ATP2C1: variants seen among roughly 807,000 people sequenced by gnomAD.
ATP2C1 encodes the protein ATPase secretory pathway Ca2+ transporting 1.
A neutral mutation model predicts 120.5 loss-of-function variants in ATP2C1; 31 were observed. That is an observed-to-expected ratio of 0.26 (90% CI 0.19 to 0.35). The LOEUF (loss-of-function observed/expected upper bound fraction) is 0.35, where lower values mean the gene tolerates loss of function less well. Ranked by LOEUF, ATP2C1 falls within the 10% of genes least tolerant of loss-of-function variation. The pLI is 1.00. For synonymous variants in ATP2C1, 351 were observed against 358.7 expected (o/e 0.98, Z 0.24); for missense variants, 731 against 1,107.5 (o/e 0.66, Z 4.83).
intron 2 of ATP2C1, among the ~76,000 whole-genome samples, chr3:130,904,436 T>C (rs1054089294): frequency 2.0e-5 from 3 of 152,002 alleles, no homozygotes; most frequent in African/African-American, 7.2e-5. Flanking sequence ...TATGGGGTTG[T>C]CAGATCTTCA....
chr3:130,949,814 A>T (rs2060295261), intron 8 of ATP2C1, among the ~76,000 whole-genome samples: 1 of 152,162 alleles, frequency 6.6e-6, no homozygotes. Context: ...TCATTTGCAT[A>T]AACAGTGAGG....
At chr3:130,980,473 G>T in intron 19 of ATP2C1, 109 bp from the exon 20 acceptor site, 1 of 758,172 alleles carries the variant, frequency 1.3e-6, no homozygotes, top group East Asian at 2.7e-5. Context: ...ATTACTGGTA[G>T]GTAACAAAAG....
chr3:130,980,955 G>A (rs918459080), intron 20 of ATP2C1, among the ~76,000 whole-genome samples: 5 of 152,182 alleles, frequency 3.3e-5, no homozygotes, highest in African/African-American at 9.7e-5. Context: ...AATAGTGCTT[G>A]TATTTATGAA....
chr3:130,997,270 C>A (rs2062668327), intron 24 of ATP2C1, among the ~76,000 whole-genome samples: 1 of 152,092 alleles, frequency 6.6e-6, no homozygotes, highest in African/African-American at 2.4e-5. Context: ...CCAGTTAAAA[C>A]CTCTTTATAT....
chr3:130,964,133 G>A (rs148940457), intron 13 of ATP2C1, 38 bp downstream of exon 13: 1,524 of 1,607,132 alleles, frequency 9.5e-4, no homozygotes, highest in Non-Finnish European at 1.2e-3. Context: ...GCAATGATGC[G>A]TAAGTTTATG....
chr3:130,945,131 G>A (rs968740344), intron 8 of ATP2C1, among the ~76,000 whole-genome samples: 3 of 152,124 alleles, frequency 2.0e-5, no homozygotes, highest in African/African-American at 4.8e-5. Flanking sequence ...GAGCCTGAGA[G>A]GCACTGATGG....
intron 17 of ATP2C1, among the ~76,000 whole-genome samples, chr3:130,970,163 C>T (rs1472605900): frequency 1.3e-5 from 2 of 152,008 alleles, no homozygotes; most frequent in African/African-American, 4.8e-5. Flanking sequence ...ACTAAAAATA[C>T]AAAAATTAGC....
chr3:130,890,381 C>T (rs1403292621), upstream of ATP2C1, among the ~76,000 whole-genome samples: 1 of 152,192 alleles, frequency 6.6e-6, no homozygotes, highest in Admixed American at 6.5e-5. Context: ...ATCCAGAAGA[C>T]TGGTAGTATA....
intron 2 of ATP2C1, among the ~76,000 whole-genome samples, chr3:130,909,051 A>T (rs990563721): frequency 5.9e-5 from 9 of 152,236 alleles, no homozygotes; most frequent in South Asian, 2.1e-4. Flanking sequence ...AGAATACTTA[A>T]GAGCATTGAA....
exon 27 of ATP2C1, chr3:131,016,406 C>A: frequency 6.6e-7 from 1 of 1,516,902 alleles, no homozygotes; most frequent in South Asian, 1.1e-5. Context: ...ATTTTCTCCA[C>A]ATATACTACA....
chr3:130,890,853 CTGT>C (rs1299806303), upstream of ATP2C1, among the ~76,000 whole-genome samples: 1 of 152,180 alleles, frequency 6.6e-6, no homozygotes, highest in Admixed American at 6.5e-5. Context: ...AAAAATACTT[CTGT>C]TGTTCTGTTG....
upstream of ATP2C1, among the ~76,000 whole-genome samples, chr3:130,891,641 C>T (rs2069171284): frequency 6.6e-6 from 1 of 152,146 alleles, no homozygotes; most frequent in Non-Finnish European, 1.5e-5. Context: ...GCTAACACTC[C>T]AGGGATTTCC....
intron 2 of ATP2C1, chr3:130,919,113 A>C: frequency 2.6e-6 from 1 of 380,772 alleles, no homozygotes; most frequent in Non-Finnish European, 5.1e-6. Context: ...CTCTCCACGC[A>C]GGCATTTTGA....
Position 130,979,417 on chromosome 3 carries a change from T to C in ATP2C1, c.1739T>C (p.Ile580Thr), listed in dbSNP as rs1053507968. Reference sequence around the variant, plus strand: ...GATTCACAGGAGACTGCAGTTGCAATCGGTATAACTAGACTGCTTTCTTTT... The same window carrying C: ...GATTCACAGGAGACTGCAGTTGCAACCGGTATAACTAGACTGCTTTCTTTT... ...TGDSQETAVA[I>T]ASRLGLYSKT... The change falls in exon 19 of 28, where the codon ATC becomes ACC. Residue 580 changes from isoleucine (I) to threonine (T), a missense_variant and splice_region_variant. Around this residue, in one of 3 missense-constraint regions of ATP2C1, gnomAD observed 571 missense variants for 845.9 expected, o/e 0.67. Coordinates refer to ENST00000510168, the MANE Select transcript of ATP2C1 (RefSeq NM_001378687.1). 1.2e-6 allele frequency: 2 copies of C among 1,613,194 alleles called. No individual in the cohort carries two copies.
upstream of ATP2C1, among the ~76,000 whole-genome samples, chr3:130,892,128 T>TA (rs1184521634): frequency 6.6e-6 from 1 of 152,228 alleles, no homozygotes; most frequent in East Asian, 1.9e-4. Context: ...GTGTTAATGC[T>TA]AGAGTATTGC....
At position 130,912,707 on chromosome 3, in the gene ATP2C1, G is replaced by C. The variant is rs565812537; in HGVS notation, c.7-17709G>C. Among the ~76,000 whole-genome samples the C allele has an allele frequency of 4.8e-4, 69 of 144,368 alleles. No individual in the cohort carries two copies. The East Asian group carries it at 0.011, about 23-fold the overall frequency. The allele number at this position is 144,368 out of a possible 152,430, so 94.7% of individuals were successfully genotyped here. ...GAAGTCAGTGTGGCGATTCCTCAGG[G>C]ATCTAGAACTAGAAATACCATTTGA... On this transcript the variant is annotated intron_variant, in intron 2 of 27. Transcript: ENST00000510168.
chr3:130,913,193 A>T (rs928547675), intron 2 of ATP2C1, among the ~76,000 whole-genome samples: 1 of 148,244 alleles, frequency 6.7e-6, no homozygotes, highest in Non-Finnish European at 1.5e-5. Flanking sequence ...ACATGTATAC[A>T]TATGTAACTA....
chr3:130,941,297 C>T (rs991520435), intron 7 of ATP2C1, among the ~76,000 whole-genome samples: 6 of 149,976 alleles, frequency 4.0e-5, no homozygotes, highest in South Asian at 4.2e-4. Context: ...CGCATGCATG[C>T]GCGTGTCCAT....
chr3:130,955,338 T>A (rs889114818), intron 10 of ATP2C1, among the ~76,000 whole-genome samples: 1 of 152,172 alleles, frequency 6.6e-6, no homozygotes, highest in Non-Finnish European at 1.5e-5. Flanking sequence ...TATTTGTAGA[T>A]CTTATTATTT....
Sources: gnomAD v4.1 joint callset for allele counts (sites outside exome capture counted in the v4.1 genomes callset) on GRCh38, gnomAD v4.1.1 for gene constraint, gnomAD v4.1.1 regional missense constraint, MANE v1.5 for transcripts, NCBI Gene and HGNC (gene_info 2026-07-23, HGNC 2026-07-21) for gene names.